Variants in SH3RF3 observed in about 807,000 individuals in gnomAD.
SH3RF3 encodes E3 ubiquitin-protein ligase SH3RF3.
SH3RF3 carries 29 observed loss-of-function variants against 66.3 expected under a neutral mutation model. The ratio of observed to expected loss-of-function variants is 0.44; its 90% CI spans 0.33 to 0.60. SH3RF3 has a LOEUF of 0.60. Ranked by LOEUF, SH3RF3 falls within the 20% of genes least tolerant of loss-of-function variation. The probability of loss-of-function intolerance (pLI) is 0.04; values close to 1 mark genes in which losing one functional copy is unlikely to be tolerated. For missense variants in SH3RF3, 1,194 were observed against 1,190.9 expected (o/e 1.00, Z -0.04); for synonymous variants, 583 against 532.0 (o/e 1.10, Z -1.32).
intron 1 of SH3RF3, among the ~76,000 whole-genome samples, chr2:109,145,626 G>A (rs4676247): frequency 0.41 from 62,780 of 152,082 alleles, 14,732 homozygotes; most frequent in South Asian, 0.54. Flanking sequence ...ATCGCCATGC[G>A]TTTCTAGACT....
At chr2:109,212,814 C>T (rs1205217079) in intron 1 of SH3RF3, among the ~76,000 whole-genome samples, 2 of 150,896 alleles carry the variant, frequency 1.3e-5, no homozygotes, top group African/African-American at 5.0e-5. Context: ...AGGAGTTAGA[C>T]CTCCTGGTGA....
intron 1 of SH3RF3, among the ~76,000 whole-genome samples, chr2:109,298,375 G>A (rs1326281187): frequency 6.6e-6 from 1 of 152,150 alleles, no homozygotes; most frequent in Non-Finnish European, 1.5e-5. Flanking sequence ...TTCTGCTGGG[G>A]TAGAAGCACC....
chr2:109,419,032 T>G (rs1299007303), intron 4 of SH3RF3, among the ~76,000 whole-genome samples: 1 of 152,064 alleles, frequency 6.6e-6, no homozygotes, highest in African/African-American at 2.4e-5. Context: ...TTGGAGCACT[T>G]TGGGGTCTTG....
At chr2:109,251,419 A>T in intron 1 of SH3RF3, 1 of 704,856 alleles carries the variant, frequency 1.4e-6, no homozygotes, top group Non-Finnish European at 2.7e-6. Context: ...TGGAGTAGAC[A>T]CCATGAGCAA....
chr2:109,219,595 C>T (rs1183939462), intron 1 of SH3RF3, among the ~76,000 whole-genome samples: 2 of 152,148 alleles, frequency 1.3e-5, no homozygotes, highest in African/African-American at 2.4e-5. Context: ...TAAATGAATT[C>T]GGCAAAGTTG....
At chr2:109,215,092 G>T (rs1319863613) in intron 1 of SH3RF3, among the ~76,000 whole-genome samples, 1 of 152,212 alleles carries the variant, frequency 6.6e-6, no homozygotes, top group Non-Finnish European at 1.5e-5. Flanking sequence ...CCTTCAGTGG[G>T]ACGACTAACC....
intron 1 of SH3RF3, among the ~76,000 whole-genome samples, chr2:109,229,706 T>G (rs1190610353): frequency 6.6e-6 from 1 of 152,220 alleles, no homozygotes; most frequent in African/African-American, 2.4e-5. Flanking sequence ...TACATCTAGG[T>G]ACCTCGTATA....
chr2:109,229,707 A>C (rs1679451521), intron 1 of SH3RF3, among the ~76,000 whole-genome samples: 1 of 152,072 alleles, frequency 6.6e-6, no homozygotes, highest in Non-Finnish European at 1.5e-5. Context: ...ACATCTAGGT[A>C]CCTCGTATAA....
intron 1 of SH3RF3, among the ~76,000 whole-genome samples, chr2:109,302,239 C>G (rs1297972647): frequency 6.6e-6 from 1 of 151,718 alleles, no homozygotes; most frequent in Admixed American, 6.6e-5. Flanking sequence ...TCAGGTTGCT[C>G]TAAGTGTCAG....
chr2:109,391,658 C>A (rs908879700), intron 3 of SH3RF3, among the ~76,000 whole-genome samples: 10 of 152,124 alleles, frequency 6.6e-5, no homozygotes, highest in African/African-American at 2.4e-4. Flanking sequence ...GCCTAGGGTT[C>A]GATGTCCCCA....
chr2:109,166,870 A>G (rs1213052583), intron 1 of SH3RF3, among the ~76,000 whole-genome samples: 1 of 152,256 alleles, frequency 6.6e-6, no homozygotes, highest in Non-Finnish European at 1.5e-5. Context: ...TTTTTAAGCT[A>G]TACATTATAC....
intron 1 of SH3RF3, among the ~76,000 whole-genome samples, chr2:109,130,862 T>G (rs766685774): frequency 1.3e-5 from 2 of 152,212 alleles, no homozygotes; most frequent in Non-Finnish European, 1.5e-5. Context: ...ATGATTTGGT[T>G]TTAAAAGCTT....
Position 109,449,376 on chromosome 2 carries a change from A to C in SH3RF3, c.2035A>C (p.Asn679His), listed in dbSNP as rs965110702. 6.2e-7 allele frequency: 1 copy of C among 1,611,060 alleles called. No individual in the cohort carries two copies. Among genetic ancestry groups the C allele is most frequent in the Non-Finnish European group, 8.5e-7 (1 of 1,178,494 alleles). ...AGCAGCATCAGCCATCACACCTCCC[A>C]ACGTCAGTGCCGCAAACCTCAACGG... ...TSAASAITPP[N>H]VSAANLNGEA... The change falls in exon 8 of 10, where the codon AAC (asparagine) becomes CAC (histidine). Residue 679 changes from asparagine to histidine, a missense_variant. Coordinates refer to ENST00000309415, the MANE Select transcript of SH3RF3 (RefSeq NM_001099289.3).
At chr2:109,296,220 C>CATATTATTATTA (rs1681303912) in intron 1 of SH3RF3, among the ~76,000 whole-genome samples, 1 of 148,808 alleles carries the variant, frequency 6.7e-6, no homozygotes, top group African/African-American at 2.6e-5. Flanking sequence ...AACAGAATGA[C>CATATTATTATTA]CTAGTATTAT....
intron 3 of SH3RF3, among the ~76,000 whole-genome samples, chr2:109,391,326 A>C (rs1675986729): frequency 6.6e-6 from 1 of 152,344 alleles, no homozygotes; most frequent in South Asian, 2.1e-4. Context: ...GACGGGGACC[A>C]GGGCTAGAAT....
intron 1 of SH3RF3, among the ~76,000 whole-genome samples, chr2:109,142,804 G>A (rs1474196697): frequency 6.6e-6 from 1 of 152,162 alleles, no homozygotes; most frequent in East Asian, 1.9e-4. Context: ...TAGGCTTGTC[G>A]GTAAATGTGG....
At chr2:109,418,596 A>T (rs1676786738) in intron 4 of SH3RF3, among the ~76,000 whole-genome samples, 1 of 151,968 alleles carries the variant, frequency 6.6e-6, no homozygotes, top group Non-Finnish European at 1.5e-5. Flanking sequence ...AAGGATACTC[A>T]TCATTGGATT....
chr2:109,184,386 G>A (rs12469209), intron 1 of SH3RF3, among the ~76,000 whole-genome samples: 3 of 152,152 alleles, frequency 2.0e-5, no homozygotes, highest in Non-Finnish European at 4.4e-5. Context: ...ATGCAGAAAG[G>A]CAGCTTTTCA....
intron 2 of SH3RF3, among the ~76,000 whole-genome samples, chr2:109,356,623 G>C (rs1043145614): frequency 3.9e-5 from 6 of 152,290 alleles, no homozygotes; most frequent in African/African-American, 1.4e-4. Context: ...TGGCACTTAG[G>C]AGATGCTTGA....
Sources: gnomAD v4.1 joint callset for allele counts (sites outside exome capture counted in the v4.1 genomes callset) on GRCh38, gnomAD v4.1.1 for gene constraint, MANE v1.5 for transcripts, NCBI Gene and HGNC (gene_info 2026-07-23, HGNC 2026-07-21) for gene names.